Variants in AJAP1 observed in about 807,000 individuals in gnomAD.
AJAP1 encodes adherens junctions associated protein 1, also known as adherens junction-associated protein 1.
Under a neutral mutation model 35.0 loss-of-function variants are expected in AJAP1, and 5 were observed. The ratio of observed to expected loss-of-function variants is 0.14; its 90% CI spans 0.07 to 0.30. AJAP1 has a LOEUF of 0.30. AJAP1 is among the 10% of genes least tolerant of loss of function. AJAP1 has a pLI of 1.00. For missense variants in AJAP1, 586 were observed against 571.0 expected (o/e 1.03, Z -0.27); for synonymous variants, 284 against 249.3 (o/e 1.14, Z -1.31).
rs1640538293 is a variant in AJAP1, at chr1:4,722,337, C to A, written c.829+9638C>A. On this transcript the variant is annotated intron_variant, in intron 2 of 5. Transcript: ENST00000378191. The stretch of plus-strand genomic sequence containing the variant: ...GCGCAGAGGCGATCCGTGGTTTGCA[C>A]ACTTGTCCTGTGCACGGCAGGACCT... Among the ~76,000 whole-genome samples the A allele has an allele frequency of 2.0e-5, 3 of 152,330 alleles. No homozygotes were observed. In the South Asian group the frequency reaches 6.2e-4, roughly 32 times the overall value.
At chr1:4,733,081 T>A (rs1640837310) in intron 2 of AJAP1, among the ~76,000 whole-genome samples, 1 of 152,148 alleles carries the variant, frequency 6.6e-6, no homozygotes, top group African/African-American at 2.4e-5. Context: ...TATTTTTGCC[T>A]CAAGAAAATT....
At chr1:4,700,934 G>T (rs190159695) in intron 1 of AJAP1, among the ~76,000 whole-genome samples, 414 of 152,310 alleles carry the variant, frequency 2.7e-3, no homozygotes, top group Middle Eastern at 0.017. Context: ...GGGCCCAGCA[G>T]CAGAGGCTCA....
chr1:4,698,236 G>A (rs1166731139), intron 1 of AJAP1, among the ~76,000 whole-genome samples: 2 of 152,206 alleles, frequency 1.3e-5, no homozygotes, highest in South Asian at 2.1e-4. Context: ...GGCCGCTAAG[G>A]GGCCTGAGGC....
At chr1:4,688,420 A>C (rs1040260084) in intron 1 of AJAP1, among the ~76,000 whole-genome samples, 1 of 152,196 alleles carries the variant, frequency 6.6e-6, no homozygotes, top group Admixed American at 6.5e-5. Flanking sequence ...TTCAAGGTGT[A>C]GCTTCTCACT....
At position 4,772,469 on chromosome 1, in the gene AJAP1, C is replaced by T. The variant is rs374238895; in HGVS notation, c.1107C>T (p.Thr369=). The part of the protein sequence containing the change: ...ECVRASVPVY[T]DETLHSTTGE... ...TCAGGGCATCTGTGCCCGTGTACAC[C>T]GATGAGACGCTGCACTCGACGACGG... The change falls in exon 4 of 6, where the codon ACC becomes ACT. Residue 369 remains threonine, a synonymous_variant. Transcript: ENST00000378191. 51 of 1,614,210 alleles carry T rather than the reference C, an allele frequency of 3.2e-5. No homozygotes were observed. Among genetic ancestry groups the T allele is most frequent in the African/African-American group, 6.7e-5 (5 of 75,058 alleles).
At chr1:4,728,120 G>C (rs1415140306) in intron 2 of AJAP1, among the ~76,000 whole-genome samples, 1 of 152,220 alleles carries the variant, frequency 6.6e-6, no homozygotes, top group Non-Finnish European at 1.5e-5. Flanking sequence ...CTCTAAGTGT[G>C]TGGTCATTTG....
chr1:4,764,067 A>T (rs954932617), intron 2 of AJAP1, among the ~76,000 whole-genome samples: 4 of 152,014 alleles, frequency 2.6e-5, no homozygotes, highest in Admixed American at 2.6e-4. Flanking sequence ...GGACTGAGTG[A>T]CACCACCAAC....
At chr1:4,684,736 C>T (rs1036804313) in intron 1 of AJAP1, among the ~76,000 whole-genome samples, 20 of 152,110 alleles carry the variant, frequency 1.3e-4, no homozygotes, top group Admixed American at 5.9e-4. Flanking sequence ...ACTGTCTGGG[C>T]GCTGCTGGTA....
chr1:4,670,544 C>T lies in AJAP1; in HGVS notation c.29+15090C>T, dbSNP rs547557266. ...AACTGGGAGCTTCCCTGGCAGTGAC[C>T]TGGTTTGTGAGCCTGTTACTTTTCA... is the stretch of plus-strand genomic sequence containing the variant. On this transcript the variant is annotated intron_variant, in intron 1 of 5. Transcript: ENST00000378191. Among the ~76,000 whole-genome samples the T allele has an allele frequency of 1.1e-3, 167 of 152,296 alleles. 2 individuals are homozygous for T. The Middle Eastern group carries it at 0.014, about 12-fold the overall frequency.
At position 4,772,353 on chromosome 1, in the gene AJAP1, A is replaced by T; in HGVS notation, c.991A>T (p.Asn331Tyr). 6.2e-7 allele frequency: 1 copy of T among 1,614,216 alleles called. No individual in the cohort carries two copies. The highest frequency in any genetic ancestry group is 8.5e-7 in the Non-Finnish European group (1 of 1,180,044). The change falls in exon 4 of 6, where the codon AAC (asparagine) becomes TAC (tyrosine). Residue 331 changes from asparagine (N) to tyrosine (Y), a missense_variant. Asn to Tyr is a moderately radical substitution (Grantham distance 143). Coordinates refer to ENST00000378191, the MANE Select transcript of AJAP1 (RefSeq NM_018836.4). The part of the protein sequence containing the change: ...KTNQQEESCQ[N>Y]LTDFPSARVP... ...CAACCAGCAGGAGGAGAGCTGCCAG[A>T]ACCTCACGGACTTCCCCTCGGCCCG...
At chr1:4,760,791 G>A (rs543931284) in intron 2 of AJAP1, among the ~76,000 whole-genome samples, 7 of 152,358 alleles carry the variant, frequency 4.6e-5, no homozygotes, top group Admixed American at 6.5e-5. Flanking sequence ...TCGCCAAGGC[G>A]TGTGGCCACA....
intron 2 of AJAP1, among the ~76,000 whole-genome samples, chr1:4,733,866 C>T (rs374300437): frequency 1.4e-4 from 21 of 152,162 alleles, no homozygotes; most frequent in Non-Finnish European, 2.9e-4. Context: ...AGAAATAGAA[C>T]GCAAAGAAGA....
intron 2 of AJAP1, among the ~76,000 whole-genome samples, chr1:4,733,274 C>T (rs370371567): frequency 6.6e-6 from 1 of 151,872 alleles, no homozygotes; most frequent in African/African-American, 2.4e-5. Context: ...GTCAGTGTCA[C>T]GGGGAGCCGT....
In AJAP1 at chr1:4,774,445, G is replaced by A. The variant is rs564151982; in HGVS notation, c.1182G>A (p.Arg394=). The change falls in exon 5 of 6, where the codon CGG becomes CGA. Residue 394 remains arginine (R), a synonymous_variant. Coordinates refer to ENST00000378191, the MANE Select transcript of AJAP1 (RefSeq NM_018836.4). ...ACCGCAGACCCTCCTCTTCTGATCGGCATCTTATTCCTGTGGCCTTCGTGT... is the reference window on the plus strand; with the variant it reads ...ACCGCAGACCCTCCTCTTCTGATCGACATCTTATTCCTGTGGCCTTCGTGT... ...FNGNRPSSSD[R]HLIPVAFVSE... 5 of 1,614,212 alleles carry A rather than the reference G, an allele frequency of 3.1e-6. No homozygotes were observed. In the Admixed American group the frequency reaches 6.7e-5, roughly 22 times the overall value.
chr1:4,670,872 T>G (rs1363461308), intron 1 of AJAP1, among the ~76,000 whole-genome samples: 1 of 152,210 alleles, frequency 6.6e-6, no homozygotes, highest in Non-Finnish European at 1.5e-5. Context: ...AACATTTCTG[T>G]TTTTGGAAAG....
chr1:4,747,344 A>T (rs1302755802), intron 2 of AJAP1, among the ~76,000 whole-genome samples: 3 of 151,186 alleles, frequency 2.0e-5, no homozygotes, highest in African/African-American at 7.3e-5. Flanking sequence ...TCTCCACCTC[A>T]CCCGGCCTCT....
intron 2 of AJAP1, among the ~76,000 whole-genome samples, chr1:4,726,455 G>A (rs1042011313): frequency 1.3e-5 from 2 of 152,170 alleles, no homozygotes; most frequent in Non-Finnish European, 1.5e-5. Flanking sequence ...GAGTTGTGGG[G>A]AGTGGGAGGC....
chr1:4,703,061 G>C (rs1232934305), intron 1 of AJAP1, among the ~76,000 whole-genome samples: 2 of 152,130 alleles, frequency 1.3e-5, no homozygotes, highest in Non-Finnish European at 2.9e-5. Flanking sequence ...ACGTGTCCGG[G>C]CCTGTGATGA....
At chr1:4,714,066 G>A (rs1023605213) in intron 2 of AJAP1, among the ~76,000 whole-genome samples, 4 of 152,274 alleles carry the variant, frequency 2.6e-5, no homozygotes, top group East Asian at 1.9e-4. Flanking sequence ...TCCTTCAGCC[G>A]GTGACCTACT....
Sources: gnomAD v4.1 joint callset for allele counts (sites outside exome capture counted in the v4.1 genomes callset) on GRCh38, gnomAD v4.1.1 for gene constraint, MANE v1.5 for transcripts, NCBI Gene and HGNC (gene_info 2026-07-23, HGNC 2026-07-21) for gene names.